FAM135B: variants seen among roughly 807,000 people sequenced by gnomAD.
The protein encoded by FAM135B is protein FAM135B.
Under a neutral mutation model 127.7 loss-of-function variants are expected in FAM135B, and 43 were observed. That is an observed-to-expected ratio of 0.34 (90% confidence interval 0.26 to 0.43). The LOEUF (loss-of-function observed/expected upper bound fraction) is 0.43, where lower values mean the gene tolerates loss of function less well. Ranked by LOEUF, FAM135B falls within the 20% of genes least tolerant of loss-of-function variation. FAM135B has a pLI of 1.00. For missense variants in FAM135B, 1,558 were observed against 1,725.6 expected (o/e 0.90, Z 1.72); for synonymous variants, 670 against 665.1 (o/e 1.01, Z -0.11).
At chr8:138,432,437 G>A (rs1467433700) in intron 1 of FAM135B, among the ~76,000 whole-genome samples, 1 of 151,978 alleles carries the variant, frequency 6.6e-6, no homozygotes, top group Admixed American at 6.5e-5. Context: ...AACTGCACCT[G>A]TTCCCAAACA....
intron 1 of FAM135B, among the ~76,000 whole-genome samples, chr8:138,424,733 T>G (rs1399277826): frequency 5.3e-5 from 8 of 152,190 alleles, no homozygotes; most frequent in Non-Finnish European, 1.5e-5. Flanking sequence ...TCCACTAGAT[T>G]TTAGTGCCTC....
rs1323788667 is a variant in FAM135B, at chr8:138,363,272, C to G, written c.77+4635G>C. Among the ~76,000 whole-genome samples the G allele has an allele frequency of 2.0e-5, 3 of 152,290 alleles. No homozygotes were observed. The East Asian group carries it at 5.8e-4, about 29-fold the overall frequency. On this transcript the variant is annotated intron_variant, in intron 2 of 19. Coordinates refer to ENST00000395297, the MANE Select transcript of FAM135B (RefSeq NM_015912.4). Reference sequence around the variant, plus strand: ...AAATTTAGTTGGCATCTGCTAGATACAAAGTACCCTACTACCTTCTCTGCC... The same window carrying G: ...AAATTTAGTTGGCATCTGCTAGATAGAAAGTACCCTACTACCTTCTCTGCC...
At chr8:138,436,875 T>C (rs1835485167) in intron 1 of FAM135B, 1 of 152,240 alleles carries the variant, frequency 6.6e-6, no homozygotes, top group Admixed American at 6.5e-5. Context: ...GAATAAAATT[T>C]ATTGACATAT....
At chr8:138,308,781 G>T (rs1023987970) in intron 3 of FAM135B, among the ~76,000 whole-genome samples, 2 of 152,228 alleles carry the variant, frequency 1.3e-5, no homozygotes, top group Middle Eastern at 3.4e-3. Context: ...GGCTCATCCG[G>T]TGACAGGACC....
intron 11 of FAM135B, among the ~76,000 whole-genome samples, chr8:138,175,961 C>T (rs1259663067): frequency 1.4e-4 from 21 of 152,186 alleles, no homozygotes; most frequent in Admixed American, 1.4e-3. Context: ...TCCGTGTGTT[C>T]CATGTGCATG....
At chr8:138,161,369 TTCTCTC>T (rs1156765858) in intron 12 of FAM135B, among the ~76,000 whole-genome samples, 1 of 148,414 alleles carries the variant, frequency 6.7e-6, no homozygotes, top group Non-Finnish European at 1.5e-5. Context: ...CTCTTTCTCT[TTCTCTC>T]TGCCTCCCTC....
intron 2 of FAM135B, among the ~76,000 whole-genome samples, chr8:138,311,983 G>T (rs1241601031): frequency 6.6e-6 from 1 of 152,092 alleles, no homozygotes; most frequent in Non-Finnish European, 1.5e-5. Flanking sequence ...ATCTTGCTGT[G>T]TCTCCCAGGC....
chr8:138,442,267 T>TATATATATATAA (rs34280434), intron 1 of FAM135B, among the ~76,000 whole-genome samples: 1 of 86,750 alleles, frequency 1.2e-5, no homozygotes. Flanking sequence ...TATATATATA[T>TATATATATATAA]ATATATATAT....
chr8:138,186,131 A>G (rs1025653211), intron 9 of FAM135B, among the ~76,000 whole-genome samples: 3 of 152,160 alleles, frequency 2.0e-5, no homozygotes, highest in African/African-American at 7.2e-5. Flanking sequence ...TCCCCAGGCA[A>G]GATAAGGTGC....
chr8:138,442,080 T>G (rs1407632750), intron 1 of FAM135B, among the ~76,000 whole-genome samples: 1 of 151,432 alleles, frequency 6.6e-6, no homozygotes, highest in Non-Finnish European at 1.5e-5. Flanking sequence ...ACCATTGTAT[T>G]ATCTCCTCCT....
At chr8:138,146,428 G>A (rs372816112) in intron 14 of FAM135B, among the ~76,000 whole-genome samples, 1 of 152,108 alleles carries the variant, frequency 6.6e-6, no homozygotes, top group Admixed American at 6.5e-5. Context: ...CGACTCATAC[G>A]AGCCCCATCT....
Position 138,257,524 on chromosome 8 carries a change from G to A in FAM135B, c.298-765C>T, listed in dbSNP as rs1297316098. On this transcript the variant is annotated intron_variant, in intron 4 of 19. Transcript: ENST00000395297. ...TTTCTCACATCACCCCCAACTCAAG[G>A]GGGCATTACTTGCTAAATACCAGAT... Among the ~76,000 whole-genome samples the A allele has an allele frequency of 2.0e-5, 3 of 152,028 alleles. No individual in the cohort carries two copies. In the East Asian group the frequency reaches 5.8e-4, roughly 30 times the overall value.
chr8:138,378,722 T>C (rs1831647074), intron 1 of FAM135B, among the ~76,000 whole-genome samples: 2 of 151,316 alleles, frequency 1.3e-5, no homozygotes. Context: ...CAAAACCGGC[T>C]GTGTATGTTT....
At chr8:138,146,511 C>T (rs1316215349) in intron 14 of FAM135B, among the ~76,000 whole-genome samples, 1 of 152,126 alleles carries the variant, frequency 6.6e-6, no homozygotes, top group Non-Finnish European at 1.5e-5. Context: ...CCCTACCTCC[C>T]AACTGGCCAA....
chr8:138,488,824 A>G (rs749326598), intron 1 of FAM135B, among the ~76,000 whole-genome samples: 5 of 151,930 alleles, frequency 3.3e-5, no homozygotes, highest in Non-Finnish European at 7.4e-5. Flanking sequence ...GCACCACCAC[A>G]CCCAGCTAAT....
At chr8:138,166,881 G>A (rs1819978725) in intron 12 of FAM135B, among the ~76,000 whole-genome samples, 1 of 152,034 alleles carries the variant, frequency 6.6e-6, no homozygotes, top group Admixed American at 6.6e-5. Context: ...CAGGAATATG[G>A]TAGCTCGCTG....
At chr8:138,165,895 C>T (rs1189293517) in intron 12 of FAM135B, among the ~76,000 whole-genome samples, 4 of 152,088 alleles carry the variant, frequency 2.6e-5, no homozygotes, top group African/African-American at 2.4e-5. Flanking sequence ...ACCAAATAAC[C>T]GTATATTTGC....
intron 1 of FAM135B, among the ~76,000 whole-genome samples, chr8:138,494,575 C>G (rs1815314923): frequency 6.6e-6 from 1 of 152,076 alleles, no homozygotes; most frequent in Admixed American, 6.5e-5. Flanking sequence ...GCAGGGACAC[C>G]ACCATGAGCA....
intron 1 of FAM135B, among the ~76,000 whole-genome samples, chr8:138,382,130 A>G (rs945149137): frequency 6.6e-6 from 1 of 152,034 alleles, no homozygotes; most frequent in African/African-American, 2.4e-5. Flanking sequence ...TCCCACATTG[A>G]CCACCCACAA....
Sources: allele counts gnomAD v4.1 joint callset (sites outside exome capture counted in the v4.1 genomes callset), GRCh38; gene constraint gnomAD v4.1.1; transcripts MANE v1.5; gene names NCBI Gene and HGNC (gene_info 2026-07-23, HGNC 2026-07-21).